THSD7B: variants seen among roughly 807,000 people sequenced by gnomAD.
The protein encoded by THSD7B is thrombospondin type 1 domain containing 7B.
Under a neutral mutation model 213.6 loss-of-function variants are expected in THSD7B, and 138 were observed. That is an observed-to-expected ratio of 0.65 (90% CI 0.56 to 0.74). The LOEUF (loss-of-function observed/expected upper bound fraction) is 0.74. Among genes scored for constraint, THSD7B ranks in the 30% least tolerant of loss-of-function variants. The probability of loss-of-function intolerance (pLI) is 0.00; values close to 1 mark genes in which losing one functional copy is unlikely to be tolerated. For missense variants in THSD7B, 1,931 were observed against 1,991.5 expected, an observed-to-expected ratio of 0.97 and a Z score of 0.58; for synonymous variants, 742 against 687.0, an observed-to-expected ratio of 1.08 and a Z score of -1.25.
At chr2:136,827,246 A>G (rs1232718037) in intron 1 of THSD7B, among the ~76,000 whole-genome samples, 1 of 152,318 alleles carries the variant, frequency 6.6e-6, no homozygotes, top group Non-Finnish European at 1.5e-5. Flanking sequence ...AGCATAATAT[A>G]GAGTACATGC....
intron 15 of THSD7B, among the ~76,000 whole-genome samples, chr2:137,475,538 G>A (rs931667956): frequency 3.9e-5 from 6 of 152,052 alleles, no homozygotes; most frequent in African/African-American, 1.4e-4. Context: ...ACTTCCATGA[G>A]ATACGCTATT....
At chr2:136,941,059 A>G (rs1429681150) in intron 2 of THSD7B, among the ~76,000 whole-genome samples, 3 of 151,656 alleles carry the variant, frequency 2.0e-5, no homozygotes, top group African/African-American at 7.3e-5. Flanking sequence ...CCTGTGTCCA[A>G]GTGTTCTCAT....
chr2:137,123,884 A>G (rs1210873057), intron 5 of THSD7B, among the ~76,000 whole-genome samples: 1 of 151,984 alleles, frequency 6.6e-6, no homozygotes, highest in Non-Finnish European at 1.5e-5. Flanking sequence ...ATAAGCCTTG[A>G]GAAGAGGCTT....
At chr2:137,544,894 A>G (rs1041586448) in intron 15 of THSD7B, among the ~76,000 whole-genome samples, 1 of 151,784 alleles carries the variant, frequency 6.6e-6, no homozygotes. Flanking sequence ...TCCTCATACT[A>G]TTATGAGAAA....
At chr2:137,503,447 G>A (rs1002468009) in intron 15 of THSD7B, among the ~76,000 whole-genome samples, 1 of 151,772 alleles carries the variant, frequency 6.6e-6, no homozygotes, top group Non-Finnish European at 1.5e-5. Flanking sequence ...AACATGTTAC[G>A]TACTGAGGGA....
chr2:137,491,427 A>G (rs760824065), intron 15 of THSD7B, among the ~76,000 whole-genome samples: 11 of 152,234 alleles, frequency 7.2e-5, no homozygotes, highest in Non-Finnish European at 1.3e-4. Context: ...GAATTTGCCC[A>G]TTAATCTGGG....
intron 17 of THSD7B, among the ~76,000 whole-genome samples, chr2:137,601,540 G>A (rs1682076374): frequency 6.6e-6 from 1 of 152,060 alleles, no homozygotes; most frequent in African/African-American, 2.4e-5. Context: ...ATCCCATCCA[G>A]GTTTGTGTAA....
intron 7 of THSD7B, among the ~76,000 whole-genome samples, chr2:137,180,007 A>G (rs1255283637): frequency 2.0e-5 from 3 of 152,164 alleles, no homozygotes; most frequent in Admixed American, 6.5e-5. Flanking sequence ...CACAGCCATT[A>G]ATGGTAATTT....
At chr2:137,094,257 G>A (rs150642808) in intron 3 of THSD7B, among the ~76,000 whole-genome samples, 129 of 152,268 alleles carry the variant, frequency 8.5e-4, no homozygotes, top group African/African-American at 3.0e-3. Context: ...GGTAATAGTA[G>A]GCTAACACCA....
At chr2:137,527,776 G>T (rs893486175) in intron 15 of THSD7B, among the ~76,000 whole-genome samples, 6 of 152,082 alleles carry the variant, frequency 3.9e-5, no homozygotes, top group East Asian at 1.9e-4. Flanking sequence ...AAAAAGAAAA[G>T]TGCTGTCTTC....
chr2:137,448,610 C>T (rs1174758466), intron 14 of THSD7B, among the ~76,000 whole-genome samples: 1 of 151,840 alleles, frequency 6.6e-6, no homozygotes, highest in East Asian at 1.9e-4. Context: ...GAGATTGACA[C>T]CACGGTGAAA....
At chr2:136,816,673 C>A (rs1362855442) in intron 1 of THSD7B, among the ~76,000 whole-genome samples, 1 of 152,160 alleles carries the variant, frequency 6.6e-6, no homozygotes, top group Non-Finnish European at 1.5e-5. Context: ...ATTTGTAAGA[C>A]AATATGTAAT....
At chr2:137,655,785 A>G (rs1683225320) in intron 22 of THSD7B, 125 bp downstream of exon 22, 1 of 1,220,996 alleles carries the variant, frequency 8.2e-7, no homozygotes, top group African/African-American at 1.5e-5. Context: ...ATTCATTTTT[A>G]ATTGTGGTTA....
intron 7 of THSD7B, among the ~76,000 whole-genome samples, chr2:137,180,014 A>AT (rs1199950233): frequency 2.6e-4 from 39 of 152,258 alleles, no homozygotes; most frequent in Middle Eastern, 3.4e-3. Flanking sequence ...ATTAATGGTA[A>AT]TTTTATTTCC....
rs560068368 is a variant in THSD7B, at chr2:137,163,888, A to T, written c.1525+3520A>T. Among the ~76,000 whole-genome samples the T allele has an allele frequency of 1.1e-4, 16 of 152,312 alleles. No homozygotes were observed. In the South Asian group the frequency reaches 3.3e-3, roughly 32 times the overall value. On this transcript the variant is annotated intron_variant, in intron 6 of 27. Coordinates refer to ENST00000409968, the MANE Select transcript of THSD7B (RefSeq NM_001316349.2). ...AATGATGGCCATGTTGGCAGTAAGG[A>T]TCTGGTTTCCTGTCTCTTTAGTCCA...
At chr2:137,637,129 T>C (rs1157755630) in intron 20 of THSD7B, among the ~76,000 whole-genome samples, 1 of 152,212 alleles carries the variant, frequency 6.6e-6, no homozygotes, top group East Asian at 1.9e-4. Flanking sequence ...GCTCCTGCTG[T>C]TAGGATTTCT....
chr2:137,209,928 C>A (rs1184756294), intron 7 of THSD7B, among the ~76,000 whole-genome samples: 1 of 152,040 alleles, frequency 6.6e-6, no homozygotes, highest in African/African-American at 2.4e-5. Context: ...CTGTTTGAAT[C>A]TGACTGGTAT....
intron 15 of THSD7B, among the ~76,000 whole-genome samples, chr2:137,513,774 A>G (rs2105155947): frequency 6.6e-6 from 1 of 152,322 alleles, no homozygotes; most frequent in African/African-American, 2.4e-5. Context: ...TTGTCCAGAC[A>G]ACCAGGAGAG....
At position 137,638,246 on chromosome 2, in the gene THSD7B, A is replaced by G. The variant is rs561409376; in HGVS notation, c.3800-4242A>G. On this transcript the variant is annotated intron_variant, in intron 20 of 27. Coordinates refer to ENST00000409968, the MANE Select transcript of THSD7B (RefSeq NM_001316349.2). ...ATCTCCCAGAATTCCCACGTGTTGT[A>G]GGAGGGACCCAGGGTGAGGTAACTG... Among the ~76,000 whole-genome samples the G allele has an allele frequency of 6.6e-5, 10 of 152,290 alleles. No individual in the cohort carries two copies. The East Asian group carries it at 1.3e-3, about 21-fold the overall frequency.
Sources: allele counts gnomAD v4.1 joint callset (sites outside exome capture counted in the v4.1 genomes callset), GRCh38; gene constraint gnomAD v4.1.1; transcripts MANE v1.5; gene names NCBI Gene and HGNC (gene_info 2026-07-23, HGNC 2026-07-21).